SMU1: variants seen among roughly 807,000 people sequenced by gnomAD.
SMU1 encodes the protein SMU1 DNA replication regulator and spliceosomal factor.
A neutral mutation model predicts 62.0 loss-of-function variants in SMU1; 2 were observed. That is an observed-to-expected ratio of 0.03 (90% CI 0.01 to 0.10). SMU1 has a LOEUF of 0.10. Ranked by LOEUF, SMU1 falls within the 10% of genes least tolerant of loss-of-function variation. The pLI is 1.00. For synonymous variants in SMU1, 188 were observed against 212.4 expected (o/e 0.89, Z 1.00); for missense variants, 227 against 622.1 (o/e 0.36, Z 6.76).
chr9:33,055,084 T>C (rs10758182), intron 9 of SMU1, among the ~76,000 whole-genome samples: 31,057 of 152,146 alleles, frequency 0.2, 3,375 homozygotes, highest in Middle Eastern at 0.3. Flanking sequence ...CAAGGGAGCA[T>C]ACATCTCCTG....
chr9:33,055,360 T>G (rs1033176650), intron 9 of SMU1, among the ~76,000 whole-genome samples: 2 of 152,124 alleles, frequency 1.3e-5, no homozygotes, highest in African/African-American at 4.8e-5. Flanking sequence ...TTTAGATACT[T>G]AAATATGTAT....
At position 33,047,082 on chromosome 9, in the gene SMU1, C is replaced by T. The variant is rs1409193303; in HGVS notation, c.*211G>A. The T allele has an allele frequency of 3.8e-5, 16 of 420,336 alleles. No individual in the cohort carries two copies. In the East Asian group the frequency reaches 6.7e-4, roughly 18 times the overall value. The allele number at this position is 420,336 out of a possible 1,614,324, so 26.0% of individuals were successfully genotyped here. On this transcript the variant is annotated 3_prime_UTR_variant, in exon 12 of 12. Coordinates refer to ENST00000397149, the MANE Select transcript of SMU1 (RefSeq NM_018225.3). ...TAATGAAAACATTAAGTGACTGCACCAGTTAGAAGAAGATAAACTAATACC... is the reference window on the plus strand; with the variant it reads ...TAATGAAAACATTAAGTGACTGCACTAGTTAGAAGAAGATAAACTAATACC...
chr9:33,047,485 C>A (rs1359997242), intron 11 of SMU1, 94 bp from the exon 12 acceptor site: 1 of 903,334 alleles, frequency 1.1e-6, no homozygotes, highest in East Asian at 2.8e-5. Context: ...AAAAAGAGAT[C>A]TTGGGAGGCC....
At chr9:33,059,849 T>C (rs1839343788) in intron 6 of SMU1, among the ~76,000 whole-genome samples, 1 of 151,650 alleles carries the variant, frequency 6.6e-6, no homozygotes, top group African/African-American at 2.4e-5. Flanking sequence ...TGACCTCAGG[T>C]GATCCACCCG....
intron 9 of SMU1, 148 bp downstream of exon 9, chr9:33,055,965 G>T (rs1178787282): frequency 1.2e-5 from 8 of 675,938 alleles, no homozygotes; most frequent in Non-Finnish European, 1.8e-5. Flanking sequence ...GAATACTGTT[G>T]TTGTCTCAGA....
At chr9:33,075,971 CG>C (rs1839541328) in intron 1 of SMU1, among the ~76,000 whole-genome samples, 1 of 152,172 alleles carries the variant, frequency 6.6e-6, no homozygotes. Flanking sequence ...CGTGCCAGAT[CG>C]GGCCTGATAG....
Position 33,056,891 on chromosome 9 carries a change from C to T in SMU1, c.941G>A (p.Ser314Asn), listed in dbSNP as rs781195040. 8 of 1,613,366 alleles carry T rather than the reference C, an allele frequency of 5.0e-6. No individual in the cohort carries two copies. The highest frequency in any genetic ancestry group is 5.9e-6 in the Non-Finnish European group (7 of 1,179,770). Reference protein sequence around the residue: ...RAHSKGVTCLSFSKDSSQILS... With the variant: ...RAHSKGVTCLNFSKDSSQILS... Reference sequence around the variant, plus strand: ...GATCTGACTGCTATCCTTAGAAAAGCTTAGACAGGTGACACCCTTACTGTG... The same window carrying T: ...GATCTGACTGCTATCCTTAGAAAAGTTTAGACAGGTGACACCCTTACTGTG... The change falls in exon 8 of 12, where the codon AGC becomes AAC. Residue 314 changes from serine to asparagine, a missense_variant. Ser to Asn is a conservative substitution (Grantham distance 46, BLOSUM62 1). This residue lies in a region of SMU1 where 98 missense variants were observed against 195.9 expected (regional missense o/e 0.50). Coordinates refer to ENST00000397149, the MANE Select transcript of SMU1 (RefSeq NM_018225.3).
intron 11 of SMU1, 103 bp from the exon 12 acceptor site, chr9:33,047,494 C>A: frequency 2.6e-6 from 2 of 765,218 alleles, no homozygotes; most frequent in South Asian, 3.8e-5. Context: ...TCTTGGGAGG[C>A]CACATATTCC....
intron 4 of SMU1, among the ~76,000 whole-genome samples, chr9:33,063,483 C>T (rs903200260): frequency 5.3e-5 from 8 of 152,100 alleles, no homozygotes; most frequent in Non-Finnish European, 8.8e-5. Flanking sequence ...TTTTGTTATT[C>T]CAAGAAAACT....
Position 33,057,731 on chromosome 9 carries a change from TAGCAGTTATCAAAATAACACAAAGCCA to T in SMU1, c.751-44_751-18del, listed in dbSNP as rs1314243094. The T allele has an allele frequency of 6.2e-7, 1 of 1,613,108 alleles. No individual in the cohort carries two copies. Among genetic ancestry groups the T allele is most frequent in the Non-Finnish European group, 8.5e-7 (1 of 1,179,850 alleles). ...CTTAAGATCCTAAAGAAACAATGGT[TAGCAGTTATCAAAATAACACAAAGCCA>T]AGACCCCAGTTCTCTACAAACTCAC... is the stretch of plus-strand genomic sequence containing the variant. On this transcript the variant is annotated intron_variant, in intron 6 of 11. Coordinates refer to ENST00000397149, the MANE Select transcript of SMU1 (RefSeq NM_018225.3).
chr9:33,050,718 C>A (rs796595412), intron 10 of SMU1, among the ~76,000 whole-genome samples: 1 of 151,566 alleles, frequency 6.6e-6, no homozygotes, highest in Non-Finnish European at 1.5e-5. Context: ...CCCAGCTACT[C>A]GGGAGGCTGA....
chr9:33,060,728 C>A, intron 5 of SMU1, 144 bp from the exon 6 acceptor site: 2 of 1,006,474 alleles, frequency 2.0e-6, no homozygotes, highest in East Asian at 3.0e-5. Context: ...TATTTCTGTA[C>A]CTGGACGCAG....
At chr9:33,071,120 A>AT (rs1428999888) in intron 3 of SMU1, among the ~76,000 whole-genome samples, 1 of 152,182 alleles carries the variant, frequency 6.6e-6, no homozygotes, top group Non-Finnish European at 1.5e-5. Context: ...CATGTACCCC[A>AT]TAAATATATA....
chr9:33,053,938 C>T (rs1311056576), intron 9 of SMU1, among the ~76,000 whole-genome samples: 1 of 152,110 alleles, frequency 6.6e-6, no homozygotes, highest in Non-Finnish European at 1.5e-5. Context: ...AGTTGTTTGT[C>T]AACACTGCTA....
intron 6 of SMU1, among the ~76,000 whole-genome samples, chr9:33,058,694 A>T (rs953211170): frequency 9.2e-5 from 14 of 152,316 alleles, no homozygotes; most frequent in Non-Finnish European, 7.4e-5. Context: ...ATCTATACCA[A>T]CTTTATCCCG....
intron 4 of SMU1, 90 bp downstream of exon 4, chr9:33,068,734 G>A (rs1000810376): frequency 6.9e-7 from 1 of 1,457,768 alleles, no homozygotes; most frequent in Non-Finnish European, 9.3e-7. Context: ...CCAACTACTA[G>A]GCTCAAGTGA....
At chr9:33,047,829 A>C (rs1839203334) in intron 11 of SMU1, among the ~76,000 whole-genome samples, 1 of 152,192 alleles carries the variant, frequency 6.6e-6, no homozygotes, top group African/African-American at 2.4e-5. Context: ...ACTGCACTCC[A>C]GCCTGGGTGA....
chr9:33,067,891 G>C (rs913300096), intron 4 of SMU1, among the ~76,000 whole-genome samples: 1 of 151,994 alleles, frequency 6.6e-6, no homozygotes, highest in African/African-American at 2.4e-5. Flanking sequence ...AGTGCAAAAA[G>C]GTTATTAACA....
intron 3 of SMU1, among the ~76,000 whole-genome samples, chr9:33,069,618 T>G (rs1839463941): frequency 6.6e-6 from 1 of 152,064 alleles, no homozygotes; most frequent in Admixed American, 6.6e-5. Flanking sequence ...CTGGCCAACA[T>G]GGTGAAACTC....
Sources: gnomAD v4.1 joint callset for allele counts (sites outside exome capture counted in the v4.1 genomes callset) on GRCh38, gnomAD v4.1.1 for gene constraint, gnomAD v4.1.1 regional missense constraint, MANE v1.5 for transcripts, NCBI Gene and HGNC (gene_info 2026-07-23, HGNC 2026-07-21) for gene names.